Variants in TSPYL2 observed in about 807,000 individuals in gnomAD.
TSPYL2 encodes the protein TSPY like 2.
Under a neutral mutation model 33.0 loss-of-function variants are expected in TSPYL2, and 9 were observed. The ratio of observed to expected loss-of-function variants is 0.27; its 90% CI spans 0.16 to 0.48. The LOEUF (loss-of-function observed/expected upper bound fraction) is 0.48, where lower values mean the gene tolerates loss of function less well. Among genes scored for constraint, TSPYL2 ranks in the 20% least tolerant of loss-of-function variants. TSPYL2 has a pLI of 0.99. For missense variants in TSPYL2, 636 were observed against 586.2 expected (o/e 1.08, Z -0.88); for synonymous variants, 330 against 233.6 (o/e 1.41, Z -3.77).
rs1556808344 is a variant in TSPYL2 at position 53,085,690 on chromosome X, T to C, written c.1298T>C (p.Val433Ala). The C allele has an allele frequency of 8.3e-7, 1 of 1,209,912 alleles. No homozygotes were observed. The highest frequency in any genetic ancestry group is 3.0e-5 in the East Asian group (1 of 33,786). Residue 433 changes from valine to alanine, a missense_variant, in exon 6 of 7, where the codon GTG (valine) becomes GCG (alanine). By Grantham distance (64) the Val-to-Ala change is moderately conservative. Coordinates refer to ENST00000375442, the MANE Select transcript of TSPYL2 (RefSeq NM_022117.4). ...IMEDAPDYYA[V>A]EDIFSEISDI... ...GAAGACGCCCCTGACTATTATGCAG[T>C]GGAAGACATTTTCAGCGAGATCTCA...
Position 53,086,523 on chromosome X carries a change from A to G in TSPYL2, c.1918+213A>G, listed in dbSNP as rs12400540. The G allele has an allele frequency of 0.24, 103,257 of 439,018 alleles. 11,739 individuals are homozygous for G. Among genetic ancestry groups the G allele is most frequent in the African/African-American group, 0.65 (25,706 of 39,602 alleles). 36.2% of individuals were successfully genotyped at this position (439,018 alleles called of 1,213,427 possible). A position where few individuals can be genotyped will look rare whatever the true frequency, so the allele number is the denominator to read the frequency against. Reference sequence around the variant, plus strand: ...AAATCATTTTAGTTCTAGGTGATGGATAGATGGTTGTAACAGCAGAAGATG... The same window carrying G: ...AAATCATTTTAGTTCTAGGTGATGGGTAGATGGTTGTAACAGCAGAAGATG... On this transcript the variant is annotated intron_variant, in intron 6 of 6. Coordinates refer to ENST00000375442, the MANE Select transcript of TSPYL2 (RefSeq NM_022117.4).
chrX:53,084,474 CCCTTCCTGG>C (rs1363057127), intron 1 of TSPYL2, 62 bp from the exon 2 acceptor site: 69 of 932,016 alleles, frequency 7.4e-5, no homozygotes, highest in Non-Finnish European at 9.8e-5. Flanking sequence ...TCTTACTGTG[CCCTTCCTGG>C]CCTTCCCTCC....
In TSPYL2 at chrX:53,083,060, A is replaced by C. The variant is rs781963653; in HGVS notation, c.562A>C (p.Arg188=). The change falls in exon 1 of 7, where the codon AGG becomes CGG. Residue 188 remains arginine (R), a synonymous_variant. Coordinates refer to ENST00000375442, the MANE Select transcript of TSPYL2 (RefSeq NM_022117.4). ...GCGGGAGAGTATGAGGAGCAGCAGG[A>C]GGCGGCGGCGGCGGCGGAGGAGGAA... ...DERESMRSSR[R]RRRRRRRKQR... is the part of the protein sequence containing the mutation. 2 of 1,201,668 alleles carry C rather than the reference A, an allele frequency of 1.7e-6. No homozygotes were observed. The highest frequency in any genetic ancestry group is 1.1e-6 in the Non-Finnish European group (1 of 890,668).
At position 53,086,263 on chromosome X, in the gene TSPYL2, T is replaced by C; in HGVS notation, c.1871T>C (p.Ile624Thr). The C allele has an allele frequency of 8.3e-7, 1 of 1,211,467 alleles. No individual in the cohort carries two copies. The highest frequency in any genetic ancestry group is 1.1e-6 in the Non-Finnish European group (1 of 895,443). Residue 624 changes from isoleucine (I) to threonine (T), a missense_variant, in exon 6 of 7, where the codon ATA (isoleucine) becomes ACA (threonine). Coordinates refer to ENST00000375442, the MANE Select transcript of TSPYL2 (RefSeq NM_022117.4). ...DKDQADYEDVIEIISDESVEE... is the reference protein window; with the variant it reads ...DKDQADYEDVTEIISDESVEE... ...GATCAGGCTGACTACGAGGACGTGA[T>C]AGAGATCATCTCAGACGAATCAGTG...
Position 53,082,485 on chromosome X carries a change from C to T in TSPYL2, c.-14C>T. 1.7e-6 allele frequency: 2 copies of T among 1,149,304 alleles called. No individual in the cohort carries two copies. Among genetic ancestry groups the T allele is most frequent in the Non-Finnish European group, 2.3e-6 (2 of 869,193 alleles). The allele number at this position is 1,149,304 out of a possible 1,213,427, so 94.7% of individuals were successfully genotyped here. ...GCGAGTGCGAGTCCCCTGAGCTGTA[C>T]GAACGCGGTCGCCATGGACCGCCCA... On this transcript the variant is annotated 5_prime_UTR_variant, in exon 1 of 7. The change creates a new upstream start codon in the 5' untranslated region. Transcript: ENST00000375442.
chrX:53,084,702 C>T (rs1556807911), intron 2 of TSPYL2, 53 bp from the exon 3 acceptor site: 4 of 1,182,629 alleles, frequency 3.4e-6, no homozygotes, highest in South Asian at 1.8e-5. Flanking sequence ...GTGGGAAGGG[C>T]CGTGGTGTGT....
Position 53,088,046 on chromosome X carries a change from T to C in TSPYL2, c.*107T>C. On this transcript the variant is annotated 3_prime_UTR_variant, in exon 7 of 7. Coordinates refer to ENST00000375442, the MANE Select transcript of TSPYL2 (RefSeq NM_022117.4). ...GGCCCCACATTGCACTTCTGGGGGG[T>C]GACCGACTTCGTACACGGGTTTAAA... 1 of 753,144 alleles carries C rather than the reference T, an allele frequency of 1.3e-6. No homozygotes were observed. Among genetic ancestry groups the C allele is most frequent in the Non-Finnish European group, 2.0e-6 (1 of 510,558 alleles). 62.1% of individuals were successfully genotyped at this position (753,144 alleles called of 1,213,427 possible).
At chrX:53,084,313 G>A (rs1198808830) in intron 1 of TSPYL2, among the ~76,000 whole-genome samples, 1 of 112,133 alleles carries the variant, frequency 8.9e-6, no homozygotes, top group Non-Finnish European at 1.9e-5. Flanking sequence ...AGCACCCAGT[G>A]ACATATACCA....
Position 53,082,776 on chromosome X carries a change from A to G in TSPYL2, c.278A>G (p.Glu93Gly). The G allele has an allele frequency of 1.0e-5, 12 of 1,195,001 alleles. No homozygotes were observed. Among genetic ancestry groups the G allele is most frequent in the African/African-American group, 1.8e-5 (1 of 56,806 alleles). Residue 93 changes from glutamate (E) to glycine (G), a missense_variant, in exon 1 of 7, where the codon GAG (glutamate) becomes GGG (glycine). By Grantham distance (98) the Glu-to-Gly change is moderately conservative (BLOSUM62 -2). Around this residue, in one of 3 missense-constraint regions of TSPYL2, gnomAD observed 231 missense variants for 201.6 expected, o/e 1.15. Transcript: ENST00000375442. ...CGCGCATACTTCACGCTCGGTGCTG[A>G]GTGTCCCGGCTGGGATTCTACCATC... ...GIRAYFTLGA[E>G]CPGWDSTIES...
Sources: allele counts gnomAD v4.1 joint callset (sites outside exome capture counted in the v4.1 genomes callset), GRCh38; gene constraint gnomAD v4.1.1; regional missense constraint gnomAD v4.1.1; transcripts MANE v1.5; gene names NCBI Gene and HGNC (gene_info 2026-07-23, HGNC 2026-07-21).